The following PRKN variants were observed in gnomAD, a reference collection of about 807,000 sequenced individuals.
PRKN encodes parkin RBR E3 ubiquitin protein ligase, also known as E3 ubiquitin-protein ligase parkin.
A neutral mutation model predicts 59.5 loss-of-function variants in PRKN; 56 were observed. The observed-to-expected ratio is 0.94, with a 90% CI of 0.76 to 1.18. The LOEUF (loss-of-function observed/expected upper bound fraction) is 1.18, where lower values mean the gene tolerates loss of function less well. PRKN is among the 50% of genes most tolerant of loss of function. PRKN has a pLI of 0.00. For synonymous variants in PRKN, 250 were observed against 222.1 expected, an observed-to-expected ratio of 1.13 and a Z score of -1.12; for missense variants, 657 against 596.4, an observed-to-expected ratio of 1.10 and a Z score of -1.06.
intron 5 of PRKN, among the ~76,000 whole-genome samples, chr6:162,010,448 T>A (rs1394209328): frequency 2.8e-5 from 2 of 71,780 alleles, no homozygotes; most frequent in Non-Finnish European, 4.4e-5. Context: ...ATTTATGATA[T>A]ATAATGTATT....
At chr6:162,675,593 A>AC (rs1779515309) in intron 1 of PRKN, among the ~76,000 whole-genome samples, 1 of 152,204 alleles carries the variant, frequency 6.6e-6, no homozygotes, top group African/African-American at 2.4e-5. Context: ...AATAACCAGT[A>AC]TGCAGGACTT....
chr6:161,638,737 G>GTTTTTTTT (rs1783620228), intron 7 of PRKN, among the ~76,000 whole-genome samples: 2 of 61,560 alleles, frequency 3.2e-5, no homozygotes, highest in African/African-American at 1.3e-4. Flanking sequence ...CACGAGATCT[G>GTTTTTTTT]ATTTTTTTTT....
chr6:162,310,089 C>T (rs1331909661), intron 2 of PRKN, among the ~76,000 whole-genome samples: 5 of 152,250 alleles, frequency 3.3e-5, no homozygotes, highest in African/African-American at 7.2e-5. Context: ...ATATGTACCA[C>T]ATTTTCTTTA....
At chr6:162,146,445 G>A (rs946238669) in intron 4 of PRKN, among the ~76,000 whole-genome samples, 6 of 143,542 alleles carry the variant, frequency 4.2e-5, no homozygotes, top group East Asian at 2.0e-4. Flanking sequence ...TATATATATC[G>A]ATAGATAGAT....
At chr6:162,668,577 A>G (rs919507206) in intron 1 of PRKN, among the ~76,000 whole-genome samples, 4 of 152,094 alleles carry the variant, frequency 2.6e-5, no homozygotes, top group African/African-American at 4.8e-5. Context: ...AGGGAGCACC[A>G]TAAGTGGCTG....
intron 1 of PRKN, among the ~76,000 whole-genome samples, chr6:162,663,578 C>T (rs1486956870): frequency 6.6e-6 from 1 of 151,910 alleles, no homozygotes; most frequent in Non-Finnish European, 1.5e-5. Flanking sequence ...TTAAAAATTA[C>T]TATGATTAGA....
chr6:162,028,746 C>T (rs1229476249), intron 5 of PRKN, among the ~76,000 whole-genome samples: 1 of 152,194 alleles, frequency 6.6e-6, no homozygotes, highest in Non-Finnish European at 1.5e-5. Flanking sequence ...AGCTACTAAC[C>T]TGGAAGTGGA....
chr6:161,443,660 T>C (rs1052361963), intron 9 of PRKN, among the ~76,000 whole-genome samples: 1 of 152,154 alleles, frequency 6.6e-6, no homozygotes, highest in Non-Finnish European at 1.5e-5. Flanking sequence ...AATCAGTTTT[T>C]TTAAATGGTC....
At chr6:162,720,479 T>C in intron 1 of PRKN, among the ~76,000 whole-genome samples, 1 of 141,622 alleles carries the variant, frequency 7.1e-6, no homozygotes, top group Non-Finnish European at 1.5e-5. Context: ...AGTCTCGCTC[T>C]GTCGCCCAGG....
At chr6:161,508,835 G>A (rs74689911) in intron 9 of PRKN, among the ~76,000 whole-genome samples, 1 of 151,228 alleles carries the variant, frequency 6.6e-6, no homozygotes, top group Non-Finnish European at 1.5e-5. Flanking sequence ...CAGTTCTTGA[G>A]TGTTATAATT....
At chr6:162,564,471 G>C (rs1779978587) in intron 1 of PRKN, among the ~76,000 whole-genome samples, 1 of 152,076 alleles carries the variant, frequency 6.6e-6, no homozygotes, top group Non-Finnish European at 1.5e-5. Context: ...CAAACCTAGA[G>C]AAAGATATCA....
At chr6:162,068,029 T>G (rs940289013) in intron 4 of PRKN, among the ~76,000 whole-genome samples, 5 of 152,194 alleles carry the variant, frequency 3.3e-5, no homozygotes, top group Non-Finnish European at 7.4e-5. Context: ...CACCGTCATG[T>G]CAGGATGGTG....
chr6:161,817,151 T>TA (rs1390846369), intron 6 of PRKN, among the ~76,000 whole-genome samples: 1 of 152,206 alleles, frequency 6.6e-6, no homozygotes. Context: ...GGAATCACAT[T>TA]AAAAACTCCT....
rs201414794 is a variant in PRKN at position 162,359,075 on chromosome 6, A to ATATATAT, written c.171+84234_171+84235insATATATA. Among the ~76,000 whole-genome samples the ATATATAT allele has an allele frequency of 7.5e-3, 755 of 100,658 alleles. 1 individual carries two copies. The highest frequency in any genetic ancestry group is 9.1e-3 in the Non-Finnish European group (501 of 55,174). The allele number at this position is 100,658 out of a possible 152,430, so 66.0% of individuals were successfully genotyped here. A position where few individuals can be genotyped will look rare whatever the true frequency, so the allele number is the denominator to read the frequency against. On this transcript the variant is annotated intron_variant, in intron 2 of 11. Coordinates refer to ENST00000366898, the MANE Select transcript of PRKN (RefSeq NM_004562.3). ...ACACTGTGGCAAAAAAAAAAAAAAA[A>ATATATAT]AAAAATATATATATATATATATGAA...
At chr6:162,463,849 T>C (rs1176732748) in intron 1 of PRKN, among the ~76,000 whole-genome samples, 3 of 152,330 alleles carry the variant, frequency 2.0e-5, no homozygotes, top group Non-Finnish European at 4.4e-5. Context: ...AAGTCTCAGA[T>C]ACTTCACAGT....
chr6:161,740,099 AC>A, intron 7 of PRKN, among the ~76,000 whole-genome samples: 1 of 152,346 alleles, frequency 6.6e-6, no homozygotes, highest in Non-Finnish European at 1.5e-5. Context: ...GCCTGAGTTA[AC>A]CAATGTTATC....
chr6:162,557,988 G>T (rs1227449473), intron 1 of PRKN, among the ~76,000 whole-genome samples: 3 of 152,140 alleles, frequency 2.0e-5, no homozygotes, highest in Non-Finnish European at 4.4e-5. Flanking sequence ...TTGCCCAGTT[G>T]CCCTACAAGA....
At chr6:162,428,718 T>C (rs1040457045) in intron 2 of PRKN, among the ~76,000 whole-genome samples, 2 of 152,180 alleles carry the variant, frequency 1.3e-5, no homozygotes, top group African/African-American at 4.8e-5. Flanking sequence ...CATGTGTCCC[T>C]CCATTACAAC....
intron 7 of PRKN, among the ~76,000 whole-genome samples, chr6:161,703,832 T>C (rs1446834645): frequency 1.6e-5 from 2 of 125,248 alleles, no homozygotes; most frequent in Non-Finnish European, 3.2e-5. Flanking sequence ...TCTCTCTCTC[T>C]CTCTCTCTTT....
Sources: gnomAD v4.1 joint callset for allele counts (sites outside exome capture counted in the v4.1 genomes callset) on GRCh38, gnomAD v4.1.1 for gene constraint, MANE v1.5 for transcripts, NCBI Gene and HGNC (gene_info 2026-07-23, HGNC 2026-07-21) for gene names.